Variants in P2RX7 observed in about 807,000 individuals in gnomAD.
P2RX7 encodes P2X purinoceptor 7.
In P2RX7, 62 loss-of-function variants were observed where a neutral mutation model predicts 71.6. That is an observed-to-expected ratio of 0.87 (90% CI 0.71 to 1.07). The LOEUF (loss-of-function observed/expected upper bound fraction) is 1.07. Ranked by LOEUF, P2RX7 falls within the 50% of genes least tolerant of loss-of-function variation. The pLI, the probability that P2RX7 is intolerant of heterozygous loss-of-function variation, is 0.00. For synonymous variants in P2RX7, 299 were observed against 283.3 expected (o/e 1.06, Z -0.56); for missense variants, 686 against 748.5 (o/e 0.92, Z 0.97).
At position 121,187,348 on chromosome 12, in the gene P2RX7, C is replaced by G. The variant is rs748163567; in HGVS notation, c.*2546C>G. The G allele has an allele frequency of 1.3e-5, 2 of 152,128 alleles. No individual in the cohort carries two copies. The highest frequency in any genetic ancestry group is 2.9e-5 in the Non-Finnish European group (2 of 68,020). The allele number at this position is 152,128 out of a possible 1,614,324, so 9.4% of individuals were successfully genotyped here. A position where few individuals can be genotyped will look rare whatever the true frequency, so the allele number is the denominator to read the frequency against. ...TTTATTTGGCTTTAAACTCAGGAAC[C>G]AAGTTAATTATGCCAGATTGAACTT... On this transcript the variant is annotated 3_prime_UTR_variant, in exon 13 of 13. Transcript: ENST00000328963.
intron 8 of P2RX7, among the ~76,000 whole-genome samples, chr12:121,172,141 G>A (rs2686373): frequency 0.35 from 53,144 of 151,648 alleles, 9,629 homozygotes; most frequent in Non-Finnish European, 0.39. Flanking sequence ...GATTACAGGC[G>A]TGAGCCACTG....
At chr12:121,161,394 T>C (rs1879665869) in intron 4 of P2RX7, among the ~76,000 whole-genome samples, 1 of 152,198 alleles carries the variant, frequency 6.6e-6, no homozygotes, top group Non-Finnish European at 1.5e-5. Context: ...TTTTTAAACA[T>C]TTTTTGCACT....
chr12:121,181,329 C>T (rs1884112484), intron 12 of P2RX7, among the ~76,000 whole-genome samples: 1 of 152,154 alleles, frequency 6.6e-6, no homozygotes, highest in Admixed American at 6.6e-5. Flanking sequence ...TGGGTAGTGT[C>T]CAGTTTGGGG....
At position 121,165,348 on chromosome 12, in the gene P2RX7, C is replaced by G. The variant is rs753834830; in HGVS notation, c.534-9C>G. 6.2e-6 allele frequency: 10 copies of G among 1,613,022 alleles called. No homozygotes were observed. Among genetic ancestry groups the G allele is most frequent in the Admixed American group, 1.7e-5 (1 of 60,006 alleles). On this transcript the variant is annotated splice_polypyrimidine_tract_variant and intron_variant, in intron 5 of 12. Coordinates refer to ENST00000328963, the MANE Select transcript of P2RX7 (RefSeq NM_002562.6). ...TCACTAATGGCCATTTTGCATGTCTCTCTCCCAGGCCTGCTCTCTTGAACA... is the reference window on the plus strand; with the variant it reads ...TCACTAATGGCCATTTTGCATGTCTGTCTCCCAGGCCTGCTCTCTTGAACA...
At position 121,149,473 on chromosome 12, in the gene P2RX7, G is replaced by A. The variant is rs1472375931; in HGVS notation, c.126-5312G>A. On this transcript the variant is annotated intron_variant, in intron 1 of 12. Transcript: ENST00000328963. This position sits in a 1 kb window ranked among gnomAD's most constrained non-coding sequence, Gnocchi z 4.7. ...GAAAGGCATGTCTTACATGGTGGCA[G>A]GCAAAAAGTGAATGACAACCAAGCA... 6.6e-6 allele frequency among the ~76,000 whole-genome samples: 1 copy of A among 152,120 alleles called. No individual in the cohort carries two copies. The highest frequency in any genetic ancestry group is 2.4e-5 in the African/African-American group (1 of 41,430).
At position 121,160,909 on chromosome 12, in the gene P2RX7, C is replaced by A. The variant is rs140927967; in HGVS notation, c.371C>A (p.Thr124Asn). ...QEQRLCPEYP[T>N]RRTLCSSDRG... ...TCATCCTTCTATCTGCAGTATCCCA[C>A]CCGCAGGACGCTCTGTTCCTCTGAC... Residue 124 changes from threonine (T) to asparagine (N), a missense_variant, in exon 4 of 13, where the codon ACC becomes AAC. Transcript: ENST00000328963. 1.1e-5 allele frequency: 17 copies of A among 1,613,148 alleles called. No homozygotes were observed. The African/African-American group carries it at 1.9e-4, about 18-fold the overall frequency.
chr12:121,146,077 A>G (rs772404224), intron 1 of P2RX7, among the ~76,000 whole-genome samples: 10 of 152,122 alleles, frequency 6.6e-5, no homozygotes, highest in Middle Eastern at 3.4e-3. Flanking sequence ...CTGAGCCACA[A>G]TCTATCTCCC....
chr12:121,180,381 G>T lies in P2RX7; in HGVS notation c.1216G>T (p.Glu406Ter). 1 of 1,599,918 alleles carries T rather than the reference G, an allele frequency of 6.3e-7. No individual in the cohort carries two copies. Among genetic ancestry groups the T allele is most frequent in the South Asian group, 1.1e-5 (1 of 88,680 alleles). Residue 406 changes from glutamate (E) to a stop codon, truncating the protein, a stop_gained, in exon 12 of 13, where the codon GAA (glutamate) becomes TAA (stop). Transcript: ENST00000328963. LOFTEE classifies it high-confidence loss of function. ...ATTAAAGTATGTGTCCTTTGTGGAT[G>T]AATCCCACATTAGGATGGTGAACCA... ...PTLKYVSFVDESHIRMVNQQL... is the reference protein window; with the variant it reads ...PTLKYVSFVD
intron 8 of P2RX7, among the ~76,000 whole-genome samples, chr12:121,170,960 A>G (rs1882063337): frequency 6.6e-6 from 1 of 152,170 alleles, no homozygotes; most frequent in Non-Finnish European, 1.5e-5. Flanking sequence ...TGTTTAGAAA[A>G]TGACCTGTGG....
chr12:121,167,916 G>C (rs1282508423), intron 8 of P2RX7, among the ~76,000 whole-genome samples: 2 of 151,494 alleles, frequency 1.3e-5, no homozygotes, highest in Non-Finnish European at 2.9e-5. Context: ...AGGTTCAAGC[G>C]ACTCTCCTGC....
At chr12:121,174,048 C>CTTTTTTT (rs141344773) in intron 8 of P2RX7, among the ~76,000 whole-genome samples, 1 of 73,912 alleles carries the variant, frequency 1.4e-5, no homozygotes, top group Non-Finnish European at 2.8e-5. Context: ...CTTTTCTTTT[C>CTTTTTTT]TTTTTTTTTT....
rs201676421 is a variant in P2RX7 at position 121,167,594 on chromosome 12, A to C, written c.851A>C (p.Asn284Thr). The C allele has an allele frequency of 6.1e-5, 98 of 1,608,540 alleles. 1 individual carries two copies. The South Asian group carries it at 9.6e-4, about 16-fold the overall frequency. The change falls in exon 8 of 13, where the codon AAC becomes ACC. Residue 284 changes from asparagine (N) to threonine (T), a missense_variant. Coordinates refer to ENST00000328963, the MANE Select transcript of P2RX7 (RefSeq NM_002562.6). Reference protein sequence around the residue: ...SFRRLDDKTTNVSLYPGYNFR... With the variant: ...SFRRLDDKTTTVSLYPGYNFR... ...CGTCGCCTTGACGACAAGACCACCA[A>C]CGTGTCCTTGTACCCTGGCTACAAC... is the stretch of plus-strand genomic sequence containing the variant.
At chr12:121,181,841 A>T (rs1884194800) in intron 12 of P2RX7, among the ~76,000 whole-genome samples, 1 of 152,124 alleles carries the variant, frequency 6.6e-6, no homozygotes. Context: ...AGGTGGGCGG[A>T]TCACCTGAGG....
chr12:121,169,887 G>A (rs1881828521), intron 8 of P2RX7, among the ~76,000 whole-genome samples: 1 of 152,194 alleles, frequency 6.6e-6, no homozygotes, highest in Admixed American at 6.5e-5. Flanking sequence ...ACTCCAGCCT[G>A]GGTGACAGAG....
At chr12:121,164,956 G>A (rs957457120) in intron 5 of P2RX7, among the ~76,000 whole-genome samples, 5 of 152,104 alleles carry the variant, frequency 3.3e-5, no homozygotes, top group East Asian at 1.9e-4. Context: ...AGCAGGAGGC[G>A]GGTTTCGGGG....
rs775831502 is a variant in P2RX7, at chr12:121,154,927, A to G, written c.268A>G (p.Thr90Ala). Residue 90 changes from threonine to alanine, a missense_variant, in exon 2 of 13, where the codon ACC becomes GCC. Transcript: ENST00000328963. The surrounding 1 kb of genome is among the most constrained non-coding windows in gnomAD (Gnocchi z 4.2). ...GAAGTTGGTGCACAGTGTCTTTGAC[A>G]CCGCAGACTACACCTTCCCTTTGCA... The part of the protein sequence containing the change: ...VKKLVHSVFD[T>A]ADYTFPLQGN... 6.2e-6 allele frequency: 10 copies of G among 1,613,996 alleles called. No individual in the cohort carries two copies. The highest frequency in any genetic ancestry group is 7.6e-6 in the Non-Finnish European group (9 of 1,179,986).
chr12:121,148,084 C>T (rs1233972247), intron 1 of P2RX7, among the ~76,000 whole-genome samples: 1 of 151,986 alleles, frequency 6.6e-6, no homozygotes, highest in Non-Finnish European at 1.5e-5. Flanking sequence ...CTTGCAGCCA[C>T]GTTTGTAACA....
At chr12:121,141,478 G>GA (rs775337162) in intron 1 of P2RX7, among the ~76,000 whole-genome samples, 45 of 152,236 alleles carry the variant, frequency 3.0e-4, no homozygotes, top group Non-Finnish European at 5.1e-4. Context: ...CAGTGGCAGA[G>GA]AAGGCGAGGC....
At chr12:121,135,814 C>T (rs1384647036) in intron 1 of P2RX7, among the ~76,000 whole-genome samples, 1 of 150,554 alleles carries the variant, frequency 6.6e-6, no homozygotes, top group East Asian at 2.0e-4. Flanking sequence ...ACCAGCCTGG[C>T]CAACGTGGTG....
Sources: gnomAD v4.1 joint callset for allele counts (sites outside exome capture counted in the v4.1 genomes callset) on GRCh38, gnomAD v4.1.1 for gene constraint, Gnocchi (gnomAD v3.1) non-coding constraint, MANE v1.5 for transcripts, NCBI Gene and HGNC (gene_info 2026-07-23, HGNC 2026-07-21) for gene names.